The following TRIP10 variants were observed in gnomAD, a reference collection of about 807,000 sequenced individuals.
TRIP10 encodes the protein thyroid hormone receptor interactor 10.
A neutral mutation model predicts 80.9 loss-of-function variants in TRIP10; 54 were observed. The observed-to-expected ratio is 0.67, with a 90% CI of 0.54 to 0.84. The LOEUF is 0.84. Among genes scored for constraint, TRIP10 ranks in the 40% least tolerant of loss-of-function variants. TRIP10 has a pLI of 0.00. For missense variants in TRIP10, 773 were observed against 815.3 expected, an observed-to-expected ratio of 0.95 and a Z score of 0.63; for synonymous variants, 321 against 307.2, an observed-to-expected ratio of 1.04 and a Z score of -0.47.
rs1969027364 is a variant in TRIP10 at position 6,744,244 on chromosome 19, T to C, written c.643-310T>C. 6.6e-6 allele frequency among the ~76,000 whole-genome samples: 1 copy of C among 152,228 alleles called. No individual in the cohort carries two copies. Among genetic ancestry groups the C allele is most frequent in the Non-Finnish European group, 1.5e-5 (1 of 68,038 alleles). ...TGTTTCAATCTAGCGCTCCACTCTC[T>C]GTCCCATCCGTGGCCCTGGGAGTAT... On this transcript the variant is annotated intron_variant, in intron 7 of 14. Transcript: ENST00000313244. This position sits in a 1 kb window ranked among gnomAD's most constrained non-coding sequence, Gnocchi z 4.9.
chr19:6,749,974 C>T lies in TRIP10; in HGVS notation c.1303C>T (p.Pro435Ser). 1 of 1,614,164 alleles carries T rather than the reference C, an allele frequency of 6.2e-7. No homozygotes were observed. The highest frequency in any genetic ancestry group is 8.5e-7 in the Non-Finnish European group (1 of 1,180,020). Residue 435 changes from proline (P) to serine (S), a missense_variant, in exon 12 of 15, where the codon CCT (proline) becomes TCT (serine). By Grantham distance (74) the Pro-to-Ser change is moderately conservative. Coordinates refer to ENST00000313244, the MANE Select transcript of TRIP10 (RefSeq NM_001288962.2). ...KKMKDVYEKTPQMGDPASLEP... is the reference protein window; with the variant it reads ...KKMKDVYEKTSQMGDPASLEP... ...AATGAAGGATGTCTATGAGAAGACACCTCAGATGGGGGACCCCGCCAGCTT... is the reference window on the plus strand; with the variant it reads ...AATGAAGGATGTCTATGAGAAGACATCTCAGATGGGGGACCCCGCCAGCTT...
intron 11 of TRIP10, 116 bp from the exon 12 acceptor site, chr19:6,749,818 A>C (rs960826974): frequency 1.4e-6 from 2 of 1,431,824 alleles, no homozygotes; most frequent in Non-Finnish European, 1.9e-6. Context: ...ACCACTGCAC[A>C]CCAGCCTGGG....
intron 1 of TRIP10, 48 bp from the exon 2 acceptor site, chr19:6,740,962 C>T (rs1430076521): frequency 1.9e-6 from 3 of 1,543,516 alleles, no homozygotes; most frequent in Admixed American, 1.7e-5. Flanking sequence ...GTCCCAAAAT[C>T]GTGACCCCGG....
intron 12 of TRIP10, 25 bp downstream of exon 12, chr19:6,750,091 C>T (rs371752967): frequency 3.9e-5 from 30 of 764,950 alleles, no homozygotes; most frequent in South Asian, 5.0e-5. Flanking sequence ...TGGGGAGGGG[C>T]GGGAGCCAGC....
rs778505475 is a variant in TRIP10, at chr19:6,740,995, C to T, written c.25-15C>T. 29 of 1,608,988 alleles carry T rather than the reference C, an allele frequency of 1.8e-5. No individual in the cohort carries two copies. The highest frequency in any genetic ancestry group is 2.7e-5 in the African/African-American group (2 of 74,866). On this transcript the variant is annotated splice_polypyrimidine_tract_variant and intron_variant, in intron 1 of 14. Transcript: ENST00000313244. ...CGGCCCCTCTCCCCTCCTCCCCCAC[C>T]ATGTCCCATGTCAGGATCAGTTCGA...
rs569983980 is a variant in TRIP10, at chr19:6,750,543, G to T, written c.1567G>T (p.Asp523Tyr). ...AGAGCCTCCCTCAGAAGAGAGCCAG[G>T]ACACCCCCATTTACACGGAGTTTGA... is the stretch of plus-strand genomic sequence containing the variant. The part of the protein sequence containing the change: ...SEEPPSEESQ[D>Y]TPIYTEFDED... Residue 523 changes from aspartate (D) to tyrosine (Y), a missense_variant, in exon 14 of 15, where the codon GAC becomes TAC. Physicochemically the swap from Asp to Tyr is radical, Grantham distance 160 (BLOSUM62 -3). Transcript: ENST00000313244. 6 of 1,614,166 alleles carry T rather than the reference G, an allele frequency of 3.7e-6. No homozygotes were observed. In the African/African-American group the frequency reaches 8.0e-5, roughly 22 times the overall value.
rs375676701 is a variant in TRIP10, at chr19:6,743,210, G to A, written c.362G>A (p.Arg121Gln). Residue 121 changes from arginine to glutamine, a missense_variant, in exon 5 of 15, where the codon CGG becomes CAG. By Grantham distance (43) the Arg-to-Gln change is conservative (BLOSUM62 1). Coordinates refer to ENST00000313244, the MANE Select transcript of TRIP10 (RefSeq NM_001288962.2). ...QERKMHFQEG[R>Q]RAQQQLENGF... ...TTTCTGTAGCACTTCCAAGAAGGGC[G>A]GCGGGCCCAGCAGCAGCTGGAAAAT... 39 of 1,614,006 alleles carry A rather than the reference G, an allele frequency of 2.4e-5. No individual in the cohort carries two copies. Among genetic ancestry groups the A allele is most frequent in the African/African-American group, 5.3e-5 (4 of 74,922 alleles).
At chr19:6,740,981 C>A in intron 1 of TRIP10, 29 bp from the exon 2 acceptor site, 4 of 1,599,162 alleles carry the variant, frequency 2.5e-6, no homozygotes, top group Non-Finnish European at 3.4e-6. Flanking sequence ...GGCCCCTCTC[C>A]CCTCCTCCCC....
intron 1 of TRIP10, chr19:6,740,621 C>T (rs889474270): frequency 2.1e-5 from 4 of 192,262 alleles, no homozygotes; most frequent in Admixed American, 1.6e-4. Flanking sequence ...CAGGGGCCCC[C>T]AGTCTGCCAG....
At chr19:6,750,484 C>G in intron 13 of TRIP10, 28 bp from the exon 14 acceptor site, 1 of 1,613,894 alleles carries the variant, frequency 6.2e-7, no homozygotes, top group Non-Finnish European at 8.5e-7. Flanking sequence ...GAGGGCCTGT[C>G]TTTATCTGCC....
In TRIP10 at chr19:6,742,883, C is replaced by T. The variant is rs1968963259; in HGVS notation, c.198-84C>T. Reference sequence around the variant, plus strand: ...TACATTCTTGGGGCTTAACCCTTTTCCACCTGGAGGTGCGTCCTGGGGCAT... The same window carrying T: ...TACATTCTTGGGGCTTAACCCTTTTTCACCTGGAGGTGCGTCCTGGGGCAT... On this transcript the variant is annotated intron_variant, in intron 3 of 14. Transcript: ENST00000313244. 7 of 1,539,632 alleles carry T rather than the reference C, an allele frequency of 4.5e-6. No individual in the cohort carries two copies. In the South Asian group the frequency reaches 6.3e-5, roughly 14 times the overall value.
At chr19:6,747,517 C>A (rs1284930990) in intron 11 of TRIP10, among the ~76,000 whole-genome samples, 1 of 152,072 alleles carries the variant, frequency 6.6e-6, no homozygotes, top group African/African-American at 2.4e-5. Flanking sequence ...CCTAGCCAAG[C>A]AAATCCAGTG....
At position 6,743,615 on chromosome 19, in the gene TRIP10, C is replaced by CG. The variant is rs145584075; in HGVS notation, c.513+27dup. 4,714 of 762,886 alleles carry CG rather than the reference C, an allele frequency of 6.2e-3. 1 individual carries two copies. The highest frequency in any genetic ancestry group is 6.8e-3 in the Non-Finnish European group (3,711 of 542,412). The allele number at this position is 762,886 out of a possible 1,614,324, so 47.3% of individuals were successfully genotyped here. On this transcript the variant is annotated intron_variant, in intron 6 of 14. Transcript: ENST00000313244. ...GTGGAGAAGGTGTGTGTGGCGGGGG[C>CG]GGGGGGGGGGTGCGGGGTCTGGGAC...
intron 12 of TRIP10, 77 bp downstream of exon 12, chr19:6,750,143 G>GGGGGGGTGGGGC: frequency 3.6e-6 from 3 of 842,276 alleles, no homozygotes; most frequent in Admixed American, 2.1e-5. Context: ...GGGGGTCGGG[G>GGGGGGGTGGGGC]ACAGGGGAGG....
intron 14 of TRIP10, 143 bp from the exon 15 acceptor site, chr19:6,750,920 T>G (rs888135739): frequency 7.7e-7 from 1 of 1,297,690 alleles, no homozygotes; most frequent in African/African-American, 1.5e-5. Flanking sequence ...CCCTTGAACC[T>G]GGAGGCAGAG....
Position 6,750,314 on chromosome 19 carries a change from G to A in TRIP10, c.1418G>A (p.Ser473Asn). Reference protein sequence around the residue: ...KYEAWLAEAESRVLSNRGDSL... With the variant: ...KYEAWLAEAENRVLSNRGDSL... Reference sequence around the variant, plus strand: ...CAGGCGTGGCTGGCAGAAGCTGAAAGTCGAGTCCTTAGCAACCGGGGAGAC... The same window carrying A: ...CAGGCGTGGCTGGCAGAAGCTGAAAATCGAGTCCTTAGCAACCGGGGAGAC... The change falls in exon 13 of 15, where the codon AGT becomes AAT. Residue 473 changes from serine (S) to asparagine (N), a missense_variant. Physicochemically the swap from Ser to Asn is conservative, Grantham distance 46 (BLOSUM62 1). Transcript: ENST00000313244. 1.9e-6 allele frequency: 3 copies of A among 1,614,092 alleles called. No individual in the cohort carries two copies. Among genetic ancestry groups the A allele is most frequent in the Non-Finnish European group, 2.5e-6 (3 of 1,180,012 alleles).
intron 1 of TRIP10, 52 bp downstream of exon 1, chr19:6,739,837 C>A: frequency 7.1e-7 from 1 of 1,405,494 alleles, no homozygotes; most frequent in Non-Finnish European, 9.3e-7. Flanking sequence ...GTCCAGGCAC[C>A]CCCCTTTTGT....
chr19:6,740,956 C>T, intron 1 of TRIP10, 54 bp from the exon 2 acceptor site: 1 of 1,542,940 alleles, frequency 6.5e-7, no homozygotes, highest in African/African-American at 1.4e-5. Flanking sequence ...TGTGGGGTCC[C>T]AAAATCGTGA....
In TRIP10 at chr19:6,743,073, C is replaced by G; in HGVS notation, c.304C>G (p.Leu102Val). 1.2e-6 allele frequency: 2 copies of G among 1,614,172 alleles called. No individual in the cohort carries two copies. Among genetic ancestry groups the G allele is most frequent in the East Asian group, 2.2e-5 (1 of 44,872 alleles). Residue 102 changes from leucine (L) to valine (V), a missense_variant, in exon 4 of 15, where the codon CTG becomes GTG. Coordinates refer to ENST00000313244, the MANE Select transcript of TRIP10 (RefSeq NM_001288962.2). ...CCTCAGTGTCCGTGTATGTCTTGAG[C>G]TGACCAAGTACTCACAAGAGATGAA... ...ENLSVRVCLE[L>V]TKYSQEMKQE...
Sources: allele counts gnomAD v4.1 joint callset (sites outside exome capture counted in the v4.1 genomes callset), GRCh38; gene constraint gnomAD v4.1.1; non-coding constraint Gnocchi (gnomAD v3.1); transcripts MANE v1.5; gene names NCBI Gene and HGNC (gene_info 2026-07-23, HGNC 2026-07-21).